The following ASCC3 variants were observed in gnomAD, a reference collection of about 807,000 sequenced individuals.
The protein encoded by ASCC3 is ASC-1 complex subunit P200.
A neutral mutation model predicts 256.3 loss-of-function variants in ASCC3; 158 were observed. The ratio of observed to expected loss-of-function variants is 0.62; its 90% CI spans 0.54 to 0.70. The LOEUF (loss-of-function observed/expected upper bound fraction) is 0.70. Among genes scored for constraint, ASCC3 ranks in the 30% least tolerant of loss-of-function variants. ASCC3 has a pLI of 0.00. For synonymous variants in ASCC3, 948 were observed against 883.4 expected (o/e 1.07, Z -1.30); for missense variants, 2,259 against 2,626.0 (o/e 0.86, Z 3.05).
intron 8 of ASCC3, among the ~76,000 whole-genome samples, chr6:100,791,706 G>T (rs1371662605): frequency 6.6e-6 from 1 of 151,926 alleles, no homozygotes; most frequent in Non-Finnish European, 1.5e-5. Context: ...GTTTCATTTT[G>T]TTTTTTCTAA....
Position 100,540,388 on chromosome 6 carries a change from C to CT in ASCC3, c.5551-2dup. On this transcript the variant is annotated splice_acceptor_variant, in intron 36 of 41. Coordinates refer to ENST00000369162, the MANE Select transcript of ASCC3 (RefSeq NM_006828.4). LOFTEE classifies it high-confidence loss of function. Reference sequence around the variant, plus strand: ...GCAAATCTGTATATTCTTCTGCATCCTGAAAAAAAAAAAAAGCCCCACATT... The same window carrying CT: ...GCAAATCTGTATATTCTTCTGCATCCTTGAAAAAAAAAAAAAGCCCCACATT... 1.3e-6 allele frequency: 2 copies of CT among 1,582,046 alleles called. No individual in the cohort carries two copies. The highest frequency in any genetic ancestry group is 1.7e-6 in the Non-Finnish European group (2 of 1,164,636).
At chr6:100,664,714 T>C (rs1776384596) in intron 14 of ASCC3, among the ~76,000 whole-genome samples, 1 of 152,178 alleles carries the variant, frequency 6.6e-6, no homozygotes, top group Non-Finnish European at 1.5e-5. Context: ...ACTGTAATCT[T>C]AAAGCAGCTC....
intron 13 of ASCC3, among the ~76,000 whole-genome samples, chr6:100,688,094 A>C (rs944581234): frequency 2.6e-5 from 4 of 152,084 alleles, no homozygotes; most frequent in Non-Finnish European, 4.4e-5. Context: ...AAAGGCCATC[A>C]TGGTTTAAAA....
rs181216536 is a variant in ASCC3 at position 100,774,511 on chromosome 6, G to A, written c.1396-7166C>T. On this transcript the variant is annotated intron_variant, in intron 8 of 41. Coordinates refer to ENST00000369162, the MANE Select transcript of ASCC3 (RefSeq NM_006828.4). Reference sequence around the variant, plus strand: ...CTCCTGAGTAGCTGATACTACAGGCGCCCATCACCACGCCTGGCTAATTTT... The same window carrying A: ...CTCCTGAGTAGCTGATACTACAGGCACCCATCACCACGCCTGGCTAATTTT... Among the ~76,000 whole-genome samples the A allele has an allele frequency of 5.9e-5, 9 of 152,090 alleles. No individual in the cohort carries two copies. In the East Asian group the frequency reaches 7.8e-4, roughly 13 times the overall value.
intron 36 of ASCC3, among the ~76,000 whole-genome samples, chr6:100,576,731 T>C (rs958594158): frequency 2.8e-4 from 43 of 152,130 alleles, no homozygotes; most frequent in Non-Finnish European, 5.3e-4. Flanking sequence ...AATGGGTTTC[T>C]ATTGTAGAAG....
intron 10 of ASCC3, among the ~76,000 whole-genome samples, chr6:100,734,180 A>AT (rs915096686): frequency 2.6e-5 from 4 of 152,160 alleles, no homozygotes; most frequent in Non-Finnish European, 5.9e-5. Flanking sequence ...CAGGAGAAGA[A>AT]TTTTTTACCA....
At chr6:100,519,555 C>A (rs574974985) in intron 37 of ASCC3, among the ~76,000 whole-genome samples, 1 of 152,134 alleles carries the variant, frequency 6.6e-6, no homozygotes, top group African/African-American at 2.4e-5. Context: ...GAGTAGTTCA[C>A]AAGTCACAAC....
At chr6:100,683,516 G>C (rs1777407221) in intron 13 of ASCC3, among the ~76,000 whole-genome samples, 1 of 151,856 alleles carries the variant, frequency 6.6e-6, no homozygotes, top group African/African-American at 2.4e-5. Flanking sequence ...ACAAGGTTTT[G>C]GGTCTCTATA....
In ASCC3 at chr6:100,608,118, C is replaced by CTATATATACATATATGTATATATATG. The variant is rs1773046706; in HGVS notation, c.4786-1031_4786-1030insCATATATATACATATATGTATATATA. ...TATACACATATATATGTATATATAT[C>CTATATATACATATATGTATATATATG]TATATATACATATATATGTATATAT... On this transcript the variant is annotated intron_variant, in intron 30 of 41. Transcript: ENST00000369162. Among the ~76,000 whole-genome samples the CTATATATACATATATGTATATATATG allele has an allele frequency of 6.7e-3, 156 of 23,352 alleles. 5 individuals carry two copies. The highest frequency in any genetic ancestry group is 0.019 in the African/African-American group (155 of 8,316). 15.3% of individuals were successfully genotyped at this position (23,352 alleles called of 152,430 possible). A position where few individuals can be genotyped will look rare whatever the true frequency, so the allele number is the denominator to read the frequency against.
At chr6:100,747,823 T>C (rs1039310148) in intron 10 of ASCC3, among the ~76,000 whole-genome samples, 4 of 152,048 alleles carry the variant, frequency 2.6e-5, no homozygotes, top group Non-Finnish European at 5.9e-5. Flanking sequence ...TTAAAATGTA[T>C]ATTTTGTGCA....
At chr6:100,530,978 T>C (rs563664303) in intron 37 of ASCC3, 740 of 1,576,246 alleles carry the variant, frequency 4.7e-4, no homozygotes, top group Middle Eastern at 6.9e-4. Flanking sequence ...TGAAGGAGCA[T>C]GGCCTGTTCT....
At chr6:100,847,385 A>G (rs1772435107) in intron 4 of ASCC3, among the ~76,000 whole-genome samples, 1 of 152,168 alleles carries the variant, frequency 6.6e-6, no homozygotes, top group African/African-American at 2.4e-5. Flanking sequence ...AAAAAGACTG[A>G]TCACAGAATT....
chr6:100,688,699 T>C (rs1443501887), intron 13 of ASCC3, among the ~76,000 whole-genome samples: 1 of 152,182 alleles, frequency 6.6e-6, no homozygotes, highest in Non-Finnish European at 1.5e-5. Context: ...TAGTCTGTGA[T>C]CATCCAACAA....
At chr6:100,626,858 G>T (rs1402443898) in intron 29 of ASCC3, among the ~76,000 whole-genome samples, 1 of 152,048 alleles carries the variant, frequency 6.6e-6, no homozygotes, top group Non-Finnish European at 1.5e-5. Flanking sequence ...AACAGGTGTG[G>T]CTGAACAGCT....
intron 4 of ASCC3, among the ~76,000 whole-genome samples, chr6:100,840,398 A>T (rs1287517787): frequency 6.6e-6 from 1 of 150,758 alleles, no homozygotes; most frequent in East Asian, 2.0e-4. Context: ...CATGGTCATG[A>T]CTCACTAAAG....
At chr6:100,735,437 T>C (rs1408157821) in intron 10 of ASCC3, among the ~76,000 whole-genome samples, 1 of 99,114 alleles carries the variant, frequency 1.0e-5, no homozygotes, top group African/African-American at 3.6e-5. Flanking sequence ...GTTTGATTGC[T>C]AGTGATGTTT....
intron 36 of ASCC3, among the ~76,000 whole-genome samples, chr6:100,569,156 A>G (rs995550211): frequency 2.0e-5 from 3 of 152,072 alleles, no homozygotes; most frequent in African/African-American, 7.2e-5. Flanking sequence ...TAATTTTTGT[A>G]TATGGTGAAA....
intron 38 of ASCC3, among the ~76,000 whole-genome samples, chr6:100,516,744 T>C (rs899717903): frequency 6.6e-6 from 1 of 152,140 alleles, no homozygotes; most frequent in African/African-American, 2.4e-5. Flanking sequence ...AGTTAAAAGT[T>C]CATTTTGAGA....
chr6:100,600,064 T>C (rs1382949267), intron 34 of ASCC3, among the ~76,000 whole-genome samples: 1 of 151,992 alleles, frequency 6.6e-6, no homozygotes, highest in Admixed American at 6.6e-5. Flanking sequence ...TAGTAAAGGA[T>C]AGTGAGGAAA....
Sources: allele counts gnomAD v4.1 joint callset (sites outside exome capture counted in the v4.1 genomes callset), GRCh38; gene constraint gnomAD v4.1.1; transcripts MANE v1.5; gene names NCBI Gene and HGNC (gene_info 2026-07-23, HGNC 2026-07-21).